TMEM107: variants seen among roughly 807,000 people sequenced by gnomAD.
TMEM107 encodes the protein transmembrane protein 107.
TMEM107 carries 18 observed loss-of-function variants against 16.8 expected under a neutral mutation model. The ratio of observed to expected loss-of-function variants is 1.07; its 90% CI spans 0.74 to 1.59. TMEM107 has a LOEUF of 1.59. Among genes scored for constraint, TMEM107 ranks in the 40% most tolerant of loss-of-function variants. The pLI, the probability that TMEM107 is intolerant of heterozygous loss-of-function variation, is 0.00. For missense variants in TMEM107, 152 were observed against 175.4 expected (o/e 0.87, Z 0.75); for synonymous variants, 68 against 71.6 (o/e 0.95, Z 0.25).
In TMEM107 at chr17:8,173,935, GTT is replaced by G; in HGVS notation, c.*266_*267del. ...GTCTGCAGGACTAGAAAACAGCGTT[GTT>G]TTTTTTTTATTCAGTAGTTCAGCCA... On this transcript the variant is annotated 3_prime_UTR_variant, in exon 5 of 5. Transcript: ENST00000437139. 2 of 451,398 alleles carry G rather than the reference GTT, an allele frequency of 4.4e-6. No homozygotes were observed. The highest frequency in any genetic ancestry group is 5.8e-5 in the South Asian group (2 of 34,356). The allele number at this position is 451,398 out of a possible 1,614,324, so 28.0% of individuals were successfully genotyped here. A position where few individuals can be genotyped will look rare whatever the true frequency, so the allele number is the denominator to read the frequency against.
At position 8,173,634 on chromosome 17, in the gene TMEM107, TACA is replaced by T. The variant is rs1567551723; in HGVS notation, c.*566_*568del. The stretch of plus-strand genomic sequence containing the variant: ...CTGCACTCAGTGAAAAAGATTCCGT[TACA>T]AGCTAGGGTGAGTTCATAACGCGCT... On this transcript the variant is annotated 3_prime_UTR_variant, in exon 5 of 5. Coordinates refer to ENST00000437139, the MANE Select transcript of TMEM107 (RefSeq NM_183065.4). 2 of 744,730 alleles carry T rather than the reference TACA, an allele frequency of 2.7e-6. No individual in the cohort carries two copies. The highest frequency in any genetic ancestry group is 4.9e-6 in the Non-Finnish European group (2 of 404,146). 46.1% of individuals were successfully genotyped at this position (744,730 alleles called of 1,614,324 possible). A position where few individuals can be genotyped will look rare whatever the true frequency, so the allele number is the denominator to read the frequency against.
At position 8,173,440 on chromosome 17, in the gene TMEM107, G is replaced by A. The variant is rs377665716; in HGVS notation, c.*763C>T. The A allele has an allele frequency of 5.3e-4, 407 of 761,194 alleles. 1 individual carries two copies. Among genetic ancestry groups the A allele is most frequent in the African/African-American group, 4.6e-3 (272 of 59,186 alleles). The allele number at this position is 761,194 out of a possible 1,614,324, so 47.2% of individuals were successfully genotyped here. On this transcript the variant is annotated 3_prime_UTR_variant, in exon 5 of 5. Coordinates refer to ENST00000437139, the MANE Select transcript of TMEM107 (RefSeq NM_183065.4). ...TAATCAGCATAACACAAATGTAAGTGATCGTCAGAAAGAATCAGACAGGAG... is the reference window on the plus strand; with the variant it reads ...TAATCAGCATAACACAAATGTAAGTAATCGTCAGAAAGAATCAGACAGGAG...
Position 8,174,817 on chromosome 17 carries a change from G to T in TMEM107, c.257-201C>A. 5 of 584,194 alleles carry T rather than the reference G, an allele frequency of 8.6e-6. No individual in the cohort carries two copies. In the South Asian group the frequency reaches 9.9e-5, roughly 12 times the overall value. 36.2% of individuals were successfully genotyped at this position (584,194 alleles called of 1,614,324 possible). ...GAGACCAGAAGTGACTGCACAGATC[G>T]GACCTCAGGCTACCCTACCCCTTAT... On this transcript the variant is annotated intron_variant, in intron 3 of 4. Transcript: ENST00000437139.
At position 8,173,463 on chromosome 17, in the gene TMEM107, G is replaced by A. The variant is rs144429028; in HGVS notation, c.*740C>T. 83 of 764,164 alleles carry A rather than the reference G, an allele frequency of 1.1e-4. No individual in the cohort carries two copies. Among genetic ancestry groups the A allele is most frequent in the Middle Eastern group, 2.7e-4 (1 of 3,766 alleles). 47.3% of individuals were successfully genotyped at this position (764,164 alleles called of 1,614,324 possible). A position where few individuals can be genotyped will look rare whatever the true frequency, so the allele number is the denominator to read the frequency against. On this transcript the variant is annotated 3_prime_UTR_variant, in exon 5 of 5. Transcript: ENST00000437139. ...GTGATCGTCAGAAAGAATCAGACAG[G>A]AGCAATCAGGGTGTTGCAAGTCCTG...
In TMEM107 at chr17:8,173,657, C is replaced by A. The variant is rs1983875711; in HGVS notation, c.*546G>T. On this transcript the variant is annotated 3_prime_UTR_variant, in exon 5 of 5. Coordinates refer to ENST00000437139, the MANE Select transcript of TMEM107 (RefSeq NM_183065.4). ...GTTACAAGCTAGGGTGAGTTCATAA[C>A]GCGCTGGTATGAGCAATCCTATTAT... is the stretch of plus-strand genomic sequence containing the variant. The A allele has an allele frequency of 5.6e-6, 4 of 718,492 alleles. No individual in the cohort carries two copies. The allele number at this position is 718,492 out of a possible 1,614,324, so 44.5% of individuals were successfully genotyped here.
At position 8,173,167 on chromosome 17, in the gene TMEM107, T is replaced by C. The variant is rs563245518; in HGVS notation, c.*1036A>G. 8.7e-6 allele frequency: 3 copies of C among 343,310 alleles called. No individual in the cohort carries two copies. Among genetic ancestry groups the C allele is most frequent in the Non-Finnish European group, 1.7e-5 (3 of 181,790 alleles). 21.3% of individuals were successfully genotyped at this position (343,310 alleles called of 1,614,324 possible). On this transcript the variant is annotated 3_prime_UTR_variant, in exon 5 of 5. Coordinates refer to ENST00000437139, the MANE Select transcript of TMEM107 (RefSeq NM_183065.4). ...CACCATGTGCACAAGACTGCAGATA[T>C]TTACTGATGTGCAATGTTTCCTGAG...
chr17:8,176,331 G>C lies in TMEM107; in HGVS notation c.-45C>G. The C allele has an allele frequency of 6.5e-7, 1 of 1,532,440 alleles. No individual in the cohort carries two copies. The highest frequency in any genetic ancestry group is 2.3e-5 in the East Asian group (1 of 43,968). 94.9% of individuals were successfully genotyped at this position (1,532,440 alleles called of 1,614,324 possible). On this transcript the variant is annotated 5_prime_UTR_variant, in exon 1 of 5. Coordinates refer to ENST00000437139, the MANE Select transcript of TMEM107 (RefSeq NM_183065.4). ...GGCGGTCTCTGAGGCTGGAAGTTCA[G>C]AGACAGCGACTCCTGAAGTCTCCCC... is the stretch of plus-strand genomic sequence containing the variant.
Position 8,175,820 on chromosome 17 carries a change from CAA to C in TMEM107, c.191_192del (p.Phe64CysfsTer28), listed in dbSNP as rs770768585. ...VAALSVTLGLFAVELAGFLSG... is the reference protein window; with the variant it reads ...VAALSVTLGLXAVELAGFLSG... ...GAGAGGAAACCGGCCAGCTCCACTG[CAA>C]AGAGGCCCAGGGTGACAGAGAGCGC... On this transcript the variant is annotated frameshift_variant, in exon 3 of 5. Coordinates refer to ENST00000437139, the MANE Select transcript of TMEM107 (RefSeq NM_183065.4). LOFTEE classifies it high-confidence loss of function. 3.7e-6 allele frequency: 6 copies of C among 1,614,078 alleles called. No homozygotes were observed. Among genetic ancestry groups the C allele is most frequent in the Non-Finnish European group, 4.2e-6 (5 of 1,180,048 alleles).
intron 3 of TMEM107, 73 bp downstream of exon 3, chr17:8,175,684 T>G: frequency 8.4e-7 from 1 of 1,187,474 alleles, no homozygotes; most frequent in Non-Finnish European, 1.3e-6. Context: ...GCAGACACTA[T>G]TGTGTCAGGT....
At chr17:8,175,485 T>A (rs553670158) in intron 3 of TMEM107, 3 of 606,470 alleles carry the variant, frequency 4.9e-6, no homozygotes, top group African/African-American at 3.7e-5. Flanking sequence ...ATTCCTATTA[T>A]TTTTGTAGAC....
chr17:8,176,035 A>G lies in TMEM107; in HGVS notation c.88-9T>C. On this transcript the variant is annotated splice_polypyrimidine_tract_variant and intron_variant, in intron 1 of 4. Coordinates refer to ENST00000437139, the MANE Select transcript of TMEM107 (RefSeq NM_183065.4). ...GCCTGTATGTTGCTGTCCTGGGAGCAGGGCACAGGAAGAGAAGTGAAAAAG... is the reference window on the plus strand; with the variant it reads ...GCCTGTATGTTGCTGTCCTGGGAGCGGGGCACAGGAAGAGAAGTGAAAAAG... 6.2e-7 allele frequency: 1 copy of G among 1,614,230 alleles called. No individual in the cohort carries two copies. The highest frequency in any genetic ancestry group is 8.5e-7 in the Non-Finnish European group (1 of 1,180,040).
In TMEM107 at chr17:8,173,594, C is replaced by T. The variant is rs200531412; in HGVS notation, c.*609G>A. On this transcript the variant is annotated 3_prime_UTR_variant, in exon 5 of 5. Transcript: ENST00000437139. Reference sequence around the variant, plus strand: ...GGATTATCCCACCTGACGATACAGACAAACAGCCGACATTCTGCACTCAGT... The same window carrying T: ...GGATTATCCCACCTGACGATACAGATAAACAGCCGACATTCTGCACTCAGT... 9.3e-4 allele frequency: 708 copies of T among 762,672 alleles called. 2 individuals carry two copies. The highest frequency in any genetic ancestry group is 2.4e-3 in the East Asian group (99 of 41,180). 47.2% of individuals were successfully genotyped at this position (762,672 alleles called of 1,614,324 possible).
Position 8,173,390 on chromosome 17 carries a change from C to G in TMEM107, c.*813G>C, listed in dbSNP as rs552965748. The G allele has an allele frequency of 1.4e-6, 1 of 701,852 alleles. No individual in the cohort carries two copies. Among genetic ancestry groups the G allele is most frequent in the Non-Finnish European group, 2.6e-6 (1 of 379,956 alleles). 43.5% of individuals were successfully genotyped at this position (701,852 alleles called of 1,614,324 possible). A position where few individuals can be genotyped will look rare whatever the true frequency, so the allele number is the denominator to read the frequency against. ...AGCAAGGTTATCCCAGTCAGAACTT[C>G]ATAGCTATGTTTGTGGATATCTGCT... On this transcript the variant is annotated 3_prime_UTR_variant, in exon 5 of 5. Transcript: ENST00000437139.
At position 8,173,906 on chromosome 17, in the gene TMEM107, TACGGTCTG is replaced by T; in HGVS notation, c.*289_*296del. ...AAAATAGAAGCGATACCAAGTATCT[TACGGTCTG>T]CAGGACTAGAAAACAGCGTTGTTTT... On this transcript the variant is annotated 3_prime_UTR_variant, in exon 5 of 5. Transcript: ENST00000437139. 2.0e-6 allele frequency: 1 copy of T among 499,834 alleles called. No individual in the cohort carries two copies. Among genetic ancestry groups the T allele is most frequent in the Non-Finnish European group, 3.6e-6 (1 of 281,286 alleles). 31.0% of individuals were successfully genotyped at this position (499,834 alleles called of 1,614,324 possible). A position where few individuals can be genotyped will look rare whatever the true frequency, so the allele number is the denominator to read the frequency against.
chr17:8,174,629 C>G lies in TMEM107; in HGVS notation c.257-13G>C, dbSNP rs1031683296. 1 of 1,612,242 alleles carries G rather than the reference C, an allele frequency of 6.2e-7. No individual in the cohort carries two copies. Among genetic ancestry groups the G allele is most frequent in the Non-Finnish European group, 8.5e-7 (1 of 1,178,450 alleles). ...TGAGCCCCAATGGCTTGGGAAGGCA[C>G]GAGATTAAGGAAAGTCTTTGGATCG... On this transcript the variant is annotated splice_polypyrimidine_tract_variant and intron_variant, in intron 3 of 4. Coordinates refer to ENST00000437139, the MANE Select transcript of TMEM107 (RefSeq NM_183065.4).
In TMEM107 at chr17:8,173,528, T is replaced by C. The variant is rs750457525; in HGVS notation, c.*675A>G. ...TTAATCACGTTTCATGCATCTCCAATCATCATGTTCTAATCTGCCCTCCGG... is the reference window on the plus strand; with the variant it reads ...TTAATCACGTTTCATGCATCTCCAACCATCATGTTCTAATCTGCCCTCCGG... On this transcript the variant is annotated 3_prime_UTR_variant, in exon 5 of 5. Transcript: ENST00000437139. 2.5e-5 allele frequency: 19 copies of C among 765,282 alleles called. No homozygotes were observed. Among genetic ancestry groups the C allele is most frequent in the South Asian group, 6.7e-5 (5 of 74,622 alleles). The allele number at this position is 765,282 out of a possible 1,614,324, so 47.4% of individuals were successfully genotyped here. A position where few individuals can be genotyped will look rare whatever the true frequency, so the allele number is the denominator to read the frequency against.
In TMEM107 at chr17:8,175,944, G is replaced by A. The variant is rs746039014; in HGVS notation, c.155+15C>T. The A allele has an allele frequency of 1.9e-6, 3 of 1,614,202 alleles. No homozygotes were observed. The highest frequency in any genetic ancestry group is 2.2e-5 in the East Asian group (1 of 44,886). On this transcript the variant is annotated intron_variant, in intron 2 of 4. Transcript: ENST00000437139. ...ACCACCTCTTCGTTCTGGCCACCCCGTCCCAAGAGCTCACTGAATGTCCTG... is the reference window on the plus strand; with the variant it reads ...ACCACCTCTTCGTTCTGGCCACCCCATCCCAAGAGCTCACTGAATGTCCTG...
rs1567550070 is a variant in TMEM107, at chr17:8,173,470, C to CAGG, written c.*730_*732dup. 2.6e-6 allele frequency: 2 copies of CAGG among 764,528 alleles called. No homozygotes were observed. The highest frequency in any genetic ancestry group is 3.4e-5 in the Admixed American group (2 of 58,986). The allele number at this position is 764,528 out of a possible 1,614,324, so 47.4% of individuals were successfully genotyped here. A position where few individuals can be genotyped will look rare whatever the true frequency, so the allele number is the denominator to read the frequency against. ...TCAGAAAGAATCAGACAGGAGCAAT[C>CAGG]AGGGTGTTGCAAGTCCTGATTACGC... On this transcript the variant is annotated 3_prime_UTR_variant, in exon 5 of 5. Coordinates refer to ENST00000437139, the MANE Select transcript of TMEM107 (RefSeq NM_183065.4).
In TMEM107 at chr17:8,174,154, G is replaced by A; in HGVS notation, c.*49C>T. Reference sequence around the variant, plus strand: ...CTTCCTTCTTCCAGGAATACGAAGCGGCCCTTGCCCCTGTAGGCTTCGTCC... The same window carrying A: ...CTTCCTTCTTCCAGGAATACGAAGCAGCCCTTGCCCCTGTAGGCTTCGTCC... On this transcript the variant is annotated 3_prime_UTR_variant, in exon 5 of 5. Transcript: ENST00000437139. 1 of 1,539,436 alleles carries A rather than the reference G, an allele frequency of 6.5e-7. No homozygotes were observed. The highest frequency in any genetic ancestry group is 9.0e-7 in the Non-Finnish European group (1 of 1,112,444).
Sources: gnomAD v4.1 joint callset for allele counts on GRCh38, gnomAD v4.1.1 for gene constraint, MANE v1.5 for transcripts, NCBI Gene and HGNC (gene_info 2026-07-23, HGNC 2026-07-21) for gene names.